The following ZDHHC3 variants were observed in gnomAD, a reference collection of about 807,000 sequenced individuals.
ZDHHC3 encodes palmitoyltransferase ZDHHC3.
Under a neutral mutation model 30.6 loss-of-function variants are expected in ZDHHC3, and 9 were observed. The observed-to-expected ratio is 0.29, with a 90% confidence interval of 0.18 to 0.51. The LOEUF (loss-of-function observed/expected upper bound fraction) is 0.51. Among genes scored for constraint, ZDHHC3 ranks in the 20% least tolerant of loss-of-function variants. ZDHHC3 has a pLI of 0.97. For missense variants in ZDHHC3, 246 were observed against 384.2 expected (o/e 0.64, Z 3.01); for synonymous variants, 136 against 140.2 (o/e 0.97, Z 0.21).
At chr3:44,945,021 C>T in intron 3 of ZDHHC3, 147 bp downstream of exon 3, 1 of 1,198,594 alleles carries the variant, frequency 8.3e-7, no homozygotes, top group Non-Finnish European at 1.2e-6. Flanking sequence ...TGATCACTCT[C>T]TGCCCAGAGC....
chr3:44,959,220 A>G lies in ZDHHC3; in HGVS notation c.217T>C (p.Tyr73His). The change falls in exon 2 of 7, where the codon TAC (tyrosine) becomes CAC (histidine). Residue 73 changes from tyrosine to histidine, a missense_variant. Transcript: ENST00000424952. The surrounding 1 kb of genome is among the most constrained non-coding windows in gnomAD (Gnocchi z 4.3). ...ATTCCGTTGATGATGCTATACACGT[A>G]GTCTCGAGATGGAATCAGCATGACA... ...LFVMLIPSRD[Y>H]VYSIINGIVF... is the part of the protein sequence containing the mutation. 2 of 1,614,274 alleles carry G rather than the reference A, an allele frequency of 1.2e-6. No homozygotes were observed. Among genetic ancestry groups the G allele is most frequent in the Non-Finnish European group, 1.7e-6 (2 of 1,180,054 alleles).
At chr3:44,943,850 T>G (rs1702661844) in intron 3 of ZDHHC3, among the ~76,000 whole-genome samples, 1 of 152,086 alleles carries the variant, frequency 6.6e-6, no homozygotes, top group Non-Finnish European at 1.5e-5. Flanking sequence ...CCTTTGTGTG[T>G]GGTGGTGCAT....
In ZDHHC3 at chr3:44,924,324, T is replaced by C; in HGVS notation, c.*2365A>G. 1.0e-6 allele frequency: 1 copy of C among 985,474 alleles called. No individual in the cohort carries two copies. Among genetic ancestry groups the C allele is most frequent in the East Asian group, 1.1e-4 (1 of 8,822 alleles). The allele number at this position is 985,474 out of a possible 1,614,324, so 61.0% of individuals were successfully genotyped here. On this transcript the variant is annotated 3_prime_UTR_variant, in exon 7 of 7. Transcript: ENST00000424952. ...TGATGGCTACATTCCTCAGTCATTG[T>C]GCTCTTGGCAAAATATCAGTCTGAA...
chr3:44,975,576 G>C (rs1361321193), intron 1 of ZDHHC3: 1 of 152,272 alleles, frequency 6.6e-6, no homozygotes, highest in African/African-American at 2.4e-5. Context: ...TGGAGGGGTG[G>C]GGACGCCTTA....
At chr3:44,966,722 T>A (rs1704982286) in intron 1 of ZDHHC3, among the ~76,000 whole-genome samples, 1 of 152,202 alleles carries the variant, frequency 6.6e-6, no homozygotes, top group Admixed American at 6.5e-5. Flanking sequence ...TGCACTACAA[T>A]TACCTTTATT....
intron 5 of ZDHHC3, among the ~76,000 whole-genome samples, chr3:44,931,352 C>T (rs1447778318): frequency 6.6e-6 from 1 of 152,202 alleles, no homozygotes; most frequent in African/African-American, 2.4e-5. Flanking sequence ...TATTCTCCCT[C>T]CTTGCAAAGC....
chr3:44,957,665 A>G (rs745495620), intron 2 of ZDHHC3, among the ~76,000 whole-genome samples: 1 of 152,090 alleles, frequency 6.6e-6, no homozygotes, highest in Non-Finnish European at 1.5e-5. Context: ...CCTGTCCTCA[A>G]TGTCCACTGC....
chr3:44,933,358 A>G (rs1701666985), intron 4 of ZDHHC3, 159 bp from the exon 5 acceptor site: 1 of 666,962 alleles, frequency 1.5e-6, no homozygotes, highest in African/African-American at 1.8e-5. Context: ...TTCCCTACAG[A>G]TCCGTCTACC....
chr3:44,935,256 C>T (rs758965327), intron 3 of ZDHHC3, among the ~76,000 whole-genome samples: 11 of 152,190 alleles, frequency 7.2e-5, no homozygotes, highest in Non-Finnish European at 1.3e-4. Context: ...CTCACACCCC[C>T]CTTCGAGATA....
intron 1 of ZDHHC3, among the ~76,000 whole-genome samples, chr3:44,971,858 T>C (rs562369458): frequency 4.6e-5 from 7 of 152,300 alleles, no homozygotes; most frequent in African/African-American, 1.7e-4. Context: ...GACAGTATTC[T>C]TTACAGATAT....
intron 4 of ZDHHC3, 31 bp from the exon 5 acceptor site, chr3:44,933,230 G>A: frequency 1.2e-6 from 2 of 1,604,638 alleles, no homozygotes; most frequent in Non-Finnish European, 1.7e-6. Context: ...AGACACCATT[G>A]TTGTGAGAAT....
At chr3:44,955,459 A>T (rs1043514936) in intron 2 of ZDHHC3, among the ~76,000 whole-genome samples, 8 of 146,256 alleles carry the variant, frequency 5.5e-5, no homozygotes, top group Non-Finnish European at 9.0e-5. Context: ...CAAGGTTTTT[A>T]TATATATATA....
chr3:44,919,135 T>C lies in ZDHHC3; in HGVS notation c.*7554A>G. The stretch of plus-strand genomic sequence containing the variant: ...TTAAAAAAATTGGATCTCAAAAGTA[T>C]ATCCTCATAAGATACTTATCAATTA... On this transcript the variant is annotated 3_prime_UTR_variant, in exon 7 of 7. Transcript: ENST00000424952. The C allele has an allele frequency of 3.1e-6, 3 of 976,788 alleles. No homozygotes were observed. Among genetic ancestry groups the C allele is most frequent in the Non-Finnish European group, 3.6e-6 (3 of 822,218 alleles). The allele number at this position is 976,788 out of a possible 1,614,324, so 60.5% of individuals were successfully genotyped here.
Position 44,925,014 on chromosome 3 carries a change from G to T in ZDHHC3, c.*1675C>A. 2 of 985,566 alleles carry T rather than the reference G, an allele frequency of 2.0e-6. No homozygotes were observed. The highest frequency in any genetic ancestry group is 2.4e-6 in the Non-Finnish European group (2 of 829,942). The allele number at this position is 985,566 out of a possible 1,614,324, so 61.1% of individuals were successfully genotyped here. A position where few individuals can be genotyped will look rare whatever the true frequency, so the allele number is the denominator to read the frequency against. On this transcript the variant is annotated 3_prime_UTR_variant, in exon 7 of 7. Coordinates refer to ENST00000424952, the MANE Select transcript of ZDHHC3 (RefSeq NM_001135179.2). ...TGGTGGGGCAAGCTGGTTCAAGAGA[G>T]GGACCATAAATGCATTTTAAAACAA...
At chr3:44,965,936 A>G (rs1197000902) in intron 1 of ZDHHC3, among the ~76,000 whole-genome samples, 1 of 152,220 alleles carries the variant, frequency 6.6e-6, no homozygotes, top group Non-Finnish European at 1.5e-5. Flanking sequence ...ACATTCTCAC[A>G]TCCACATGAA....
chr3:44,923,541 C>G lies in ZDHHC3; in HGVS notation c.*3148G>C. The G allele has an allele frequency of 1.0e-6, 1 of 985,350 alleles. No homozygotes were observed. Among genetic ancestry groups the G allele is most frequent in the African/African-American group, 1.7e-5 (1 of 57,330 alleles). The allele number at this position is 985,350 out of a possible 1,614,324, so 61.0% of individuals were successfully genotyped here. ...ACAGGGCTGGGCCCAGTGGCTCACG[C>G]CTGTAATCCCAGGACTTTGGGAGGC... On this transcript the variant is annotated 3_prime_UTR_variant, in exon 7 of 7. Transcript: ENST00000424952.
chr3:44,950,801 T>C (rs138629467), intron 2 of ZDHHC3, among the ~76,000 whole-genome samples: 2 of 152,344 alleles, frequency 1.3e-5, no homozygotes, highest in African/African-American at 4.8e-5. Flanking sequence ...GGAACTTTGT[T>C]CTTTACAATC....
At chr3:44,942,639 C>T (rs1702542006) in intron 3 of ZDHHC3, among the ~76,000 whole-genome samples, 1 of 152,236 alleles carries the variant, frequency 6.6e-6, no homozygotes, top group Non-Finnish European at 1.5e-5. Context: ...ATAAACCCAG[C>T]ATATCCCTAA....
At position 44,933,190 on chromosome 3, in the gene ZDHHC3, C is replaced by T. The variant is rs1040655538; in HGVS notation, c.538G>A (p.Ala180Thr). The change falls in exon 5 of 7, where the codon GCT (alanine) becomes ACT (threonine). Residue 180 changes from alanine to threonine, a missense_variant. Physicochemically the swap from Ala to Thr is moderately conservative, Grantham distance 58. Coordinates refer to ENST00000424952, the MANE Select transcript of ZDHHC3 (RefSeq NM_001135179.2). Reference sequence around the variant, plus strand: ...ATGAGGGCGTGCAAGGAAATGAGAGCTATGTACATCTGAAACAGGAAACCA... The same window carrying T: ...ATGAGGGCGTGCAAGGAAATGAGAGTTATGTACATCTGAAACAGGAAACCA... The part of the protein sequence containing the change: ...KYFVLFTMYI[A>T]LISLHALIMV... 6.2e-7 allele frequency: 1 copy of T among 1,614,128 alleles called. No homozygotes were observed. The highest frequency in any genetic ancestry group is 1.1e-5 in the South Asian group (1 of 91,078).
Sources: gnomAD v4.1 joint callset for allele counts (sites outside exome capture counted in the v4.1 genomes callset) on GRCh38, gnomAD v4.1.1 for gene constraint, Gnocchi (gnomAD v3.1) non-coding constraint, MANE v1.5 for transcripts, NCBI Gene and HGNC (gene_info 2026-07-23, HGNC 2026-07-21) for gene names.